Variants in BNC2 observed in about 807,000 individuals in gnomAD.
BNC2 encodes the protein basonuclin zinc finger protein 2.
BNC2 carries 20 observed loss-of-function variants against 76.3 expected under a neutral mutation model. The observed-to-expected ratio is 0.26, with a 90% confidence interval of 0.18 to 0.38. The LOEUF is 0.38. Among genes scored for constraint, BNC2 ranks in the 10% least tolerant of loss-of-function variants. The probability of loss-of-function intolerance (pLI) is 1.00; values close to 1 mark genes in which losing one functional copy is unlikely to be tolerated. For missense variants in BNC2, 1,382 were observed against 1,399.8 expected (o/e 0.99, Z 0.20); for synonymous variants, 582 against 514.8 (o/e 1.13, Z -1.77).
chr9:16,479,377 T>C (rs1298135724), intron 5 of BNC2, among the ~76,000 whole-genome samples: 1 of 152,174 alleles, frequency 6.6e-6, no homozygotes, highest in African/African-American at 2.4e-5. Context: ...TTCAGACCAC[T>C]TCAACTGCTA....
intron 4 of BNC2, among the ~76,000 whole-genome samples, chr9:16,564,639 G>A (rs1819117822): frequency 6.6e-6 from 1 of 152,168 alleles, no homozygotes; most frequent in South Asian, 2.1e-4. Flanking sequence ...CTTTTGCTGT[G>A]AAAGGTAGAA....
At chr9:16,443,635 A>C (rs530420614) in intron 5 of BNC2, among the ~76,000 whole-genome samples, 1 of 152,288 alleles carries the variant, frequency 6.6e-6, no homozygotes, top group South Asian at 2.1e-4. Flanking sequence ...AAATTGTGAG[A>C]TATCTATACA....
At chr9:16,751,982 T>C (rs968094723) in intron 1 of BNC2, among the ~76,000 whole-genome samples, 9 of 152,040 alleles carry the variant, frequency 5.9e-5, no homozygotes, top group African/African-American at 1.9e-4. Context: ...TGAGCCCAGA[T>C]CACGCCACTG....
chr9:16,626,636 C>T (rs1034085594), intron 3 of BNC2, among the ~76,000 whole-genome samples: 6 of 152,106 alleles, frequency 3.9e-5, no homozygotes, highest in African/African-American at 9.7e-5. Flanking sequence ...GGGGTGCTGG[C>T]CCTCATCTCC....
At chr9:16,450,801 C>A (rs1821324539) in intron 5 of BNC2, among the ~76,000 whole-genome samples, 1 of 152,204 alleles carries the variant, frequency 6.6e-6, no homozygotes. Flanking sequence ...AGCACAACCC[C>A]TCGGGTTCTG....
chr9:16,457,236 AATTTTCAGGCAC>A (rs1821471732), intron 5 of BNC2, among the ~76,000 whole-genome samples: 1 of 152,146 alleles, frequency 6.6e-6, no homozygotes, highest in African/African-American at 2.4e-5. Flanking sequence ...CAATAGAAAA[AATTTTCAGGCAC>A]ACCTTCTGAA....
At chr9:16,589,812 A>T in intron 3 of BNC2, among the ~76,000 whole-genome samples, 1 of 152,146 alleles carries the variant, frequency 6.6e-6, no homozygotes, top group East Asian at 1.9e-4. Context: ...CTGGCCCTAA[A>T]AACCTTTTTA....
At chr9:16,752,696 TATC>T (rs1825257113) in intron 1 of BNC2, among the ~76,000 whole-genome samples, 1 of 152,180 alleles carries the variant, frequency 6.6e-6, no homozygotes. Flanking sequence ...GAAACATATA[TATC>T]ATCAAGTAAA....
At position 16,698,495 on chromosome 9, in the gene BNC2, A is replaced by G. The variant is rs1823405423; in HGVS notation, c.330+29302T>C. Among the ~76,000 whole-genome samples, 10 of 152,328 alleles carry G rather than the reference A, an allele frequency of 6.6e-5. 2 individuals are homozygous for G. The South Asian group carries it at 2.1e-3, about 32-fold the overall frequency. The stretch of plus-strand genomic sequence containing the variant: ...CACCTGAGGTCAGGAGTTAGAGATC[A>G]GCCTGACCAACATGGAGAAACCCCA... On this transcript the variant is annotated intron_variant, in intron 3 of 6. Coordinates refer to ENST00000380672, the MANE Select transcript of BNC2 (RefSeq NM_017637.6).
At chr9:16,818,504 T>C (rs1222256412) in intron 1 of BNC2, among the ~76,000 whole-genome samples, 1 of 152,220 alleles carries the variant, frequency 6.6e-6, no homozygotes, top group African/African-American at 2.4e-5. Context: ...CTGCATGAGC[T>C]TAAGTGTCTC....
intron 1 of BNC2, among the ~76,000 whole-genome samples, chr9:16,855,133 G>C (rs530924946): frequency 1.3e-5 from 2 of 150,442 alleles, no homozygotes; most frequent in East Asian, 4.0e-4. Flanking sequence ...TGTTCACATG[G>C]CGTGTGTGTG....
chr9:16,752,462 T>G (rs1586855649), intron 1 of BNC2, among the ~76,000 whole-genome samples: 2 of 152,352 alleles, frequency 1.3e-5, no homozygotes, highest in East Asian at 1.9e-4. Flanking sequence ...ATGAGACGTT[T>G]CATGCTGTTG....
chr9:16,776,097 C>T (rs963679902), intron 1 of BNC2, among the ~76,000 whole-genome samples: 1 of 152,180 alleles, frequency 6.6e-6, no homozygotes, highest in Non-Finnish European at 1.5e-5. Context: ...TTACCTACCC[C>T]TCAAGTTTAT....
chr9:16,568,596 TCA>T (rs2132800079), intron 4 of BNC2, among the ~76,000 whole-genome samples: 1 of 152,250 alleles, frequency 6.6e-6, no homozygotes, highest in South Asian at 2.1e-4. Context: ...GGAATCATTA[TCA>T]CATCAATCCT....
intron 2 of BNC2, among the ~76,000 whole-genome samples, chr9:16,737,637 G>A (rs144283020): frequency 1.1e-3 from 174 of 151,758 alleles, no homozygotes; most frequent in African/African-American, 4.1e-3. Context: ...GGCCTTGATA[G>A]AGACTATTTA....
chr9:16,442,564 G>C (rs1821148860), intron 5 of BNC2, among the ~76,000 whole-genome samples: 2 of 152,172 alleles, frequency 1.3e-5, no homozygotes, highest in Admixed American at 1.3e-4. Context: ...GGGAAAGAGG[G>C]ATAGTAGGGA....
At chr9:16,808,728 T>C (rs1817973890) in intron 1 of BNC2, among the ~76,000 whole-genome samples, 1 of 151,644 alleles carries the variant, frequency 6.6e-6, no homozygotes, top group South Asian at 2.1e-4. Context: ...AATTTTCCTA[T>C]TTATAAAATA....
chr9:16,677,860 C>CA (rs1822698951), intron 3 of BNC2, among the ~76,000 whole-genome samples: 1 of 152,020 alleles, frequency 6.6e-6, no homozygotes, highest in South Asian at 2.1e-4. Context: ...TGCTTTCTTT[C>CA]AAAAAATTCG....
At chr9:16,433,120 C>G (rs1410662498) in intron 6 of BNC2, among the ~76,000 whole-genome samples, 2 of 152,190 alleles carry the variant, frequency 1.3e-5, no homozygotes, top group Non-Finnish European at 2.9e-5. Context: ...TAGCTAAACT[C>G]ATAACATTAT....
Sources: allele counts gnomAD v4.1 joint callset (sites outside exome capture counted in the v4.1 genomes callset), GRCh38; gene constraint gnomAD v4.1.1; transcripts MANE v1.5; gene names NCBI Gene and HGNC (gene_info 2026-07-23, HGNC 2026-07-21).